The following EFCAB3 variants were observed in gnomAD, a reference collection of about 807,000 sequenced individuals.
EFCAB3 encodes EF-hand calcium-binding domain-containing protein 3.
In EFCAB3, 36 loss-of-function variants were observed where a neutral mutation model predicts 42.2. The observed-to-expected ratio is 0.85, with a 90% CI of 0.65 to 1.13. The LOEUF (loss-of-function observed/expected upper bound fraction) is 1.13. Ranked by LOEUF, EFCAB3 falls within the 50% of genes most tolerant of loss-of-function variation. The pLI, the probability that EFCAB3 is intolerant of heterozygous loss-of-function variation, is 0.00. For missense variants in EFCAB3, 418 were observed against 505.1 expected (o/e 0.83, Z 1.65); for synonymous variants, 170 against 172.8 (o/e 0.98, Z 0.13).
intron 2 of EFCAB3, among the ~76,000 whole-genome samples, chr17:62,374,116 C>T (rs968731779): frequency 6.6e-6 from 1 of 152,040 alleles, no homozygotes; most frequent in Non-Finnish European, 1.5e-5. Context: ...TATCCATGTC[C>T]AATGTATTTA....
chr17:62,375,571 CTTG>C (rs2070143994), upstream of EFCAB3, among the ~76,000 whole-genome samples: 1 of 152,164 alleles, frequency 6.6e-6, no homozygotes, highest in South Asian at 2.1e-4. Flanking sequence ...TCAATAAATA[CTTG>C]TTGATTACCT....
chr17:62,372,276 G>GT (rs1174040822), intron 1 of EFCAB3, among the ~76,000 whole-genome samples: 1 of 151,840 alleles, frequency 6.6e-6, no homozygotes, highest in Non-Finnish European at 1.5e-5. Flanking sequence ...AAGAGATTTT[G>GT]TTTTTTGTTT....
chr17:62,383,192 T>C, intron 2 of EFCAB3, 139 bp downstream of exon 2: 2 of 748,112 alleles, frequency 2.7e-6, no homozygotes. Flanking sequence ...ATTGAGATTA[T>C]TGGCCAGATG....
intron 1 of EFCAB3, chr17:62,370,338 T>C: frequency 6.4e-7 from 1 of 1,551,470 alleles, no homozygotes. Flanking sequence ...GTGTATGTTT[T>C]ATAATTATGT....
chr17:62,391,041 C>T (rs2070298586), intron 3 of EFCAB3, among the ~76,000 whole-genome samples: 2 of 152,158 alleles, frequency 1.3e-5, no homozygotes, highest in South Asian at 4.1e-4. Context: ...TTTTCTATTG[C>T]TGCTGTAACA....
intron 4 of EFCAB3, among the ~76,000 whole-genome samples, chr17:62,392,461 G>A (rs2070311743): frequency 6.6e-6 from 1 of 152,022 alleles, no homozygotes; most frequent in Admixed American, 6.6e-5. Context: ...CAGGTTACCT[G>A]TCCTGATGTA....
intron 8 of EFCAB3, among the ~76,000 whole-genome samples, chr17:62,407,955 C>T (rs2070462718): frequency 6.6e-6 from 1 of 152,146 alleles, no homozygotes; most frequent in Non-Finnish European, 1.5e-5. Context: ...TTAAGAGGCC[C>T]AGAGGGGTAT....
At chr17:62,381,788 C>T (rs540816306) in intron 1 of EFCAB3, 42 of 419,860 alleles carry the variant, frequency 1.0e-4, no homozygotes, top group African/African-American at 6.6e-4. Flanking sequence ...ACCGGCTCAA[C>T]GAGGTTATCA....
intron 6 of EFCAB3, chr17:62,397,320 G>T: frequency 3.1e-6 from 1 of 324,666 alleles, no homozygotes; most frequent in South Asian, 3.1e-5. Flanking sequence ...ATGAGTTTGA[G>T]ACCAGCCTGG....
At chr17:62,394,008 G>A (rs974899198) in intron 5 of EFCAB3, among the ~76,000 whole-genome samples, 1 of 151,018 alleles carries the variant, frequency 6.6e-6, no homozygotes, top group African/African-American at 2.4e-5. Context: ...AGGCTGGAGT[G>A]CAGTGGCACG....
intron 4 of EFCAB3, 148 bp from the exon 5 acceptor site, chr17:62,393,425 C>G (rs2070321451): frequency 1.6e-6 from 1 of 613,306 alleles, no homozygotes; most frequent in African/African-American, 1.9e-5. Flanking sequence ...TCAAGAAGAC[C>G]AGGGCTCACC....
At chr17:62,378,770 G>A (rs551658394), upstream of EFCAB3, among the ~76,000 whole-genome samples, 2 of 141,296 alleles carry the variant, frequency 1.4e-5, no homozygotes, top group Admixed American at 7.1e-5. Context: ...CTGTTGGGGG[G>A]TAGGGGGGTG....
At chr17:62,411,768 TAAAGAAAG>T (rs201372879) in intron 8 of EFCAB3, among the ~76,000 whole-genome samples, 2 of 119,104 alleles carry the variant, frequency 1.7e-5, no homozygotes, top group Non-Finnish European at 3.3e-5. Context: ...ACTCTGTCTC[TAAAGAAAG>T]AAAGAAAGAA....
intron 7 of EFCAB3, 139 bp downstream of exon 7, chr17:62,406,812 G>T (rs1413719998): frequency 1.0e-6 from 1 of 960,306 alleles, no homozygotes; most frequent in Admixed American, 2.9e-5. Context: ...TCACATAGAT[G>T]TCATTTGAAA....
At chr17:62,414,841 C>T (rs2070531344) in intron 9 of EFCAB3, among the ~76,000 whole-genome samples, 1 of 152,068 alleles carries the variant, frequency 6.6e-6, no homozygotes, top group African/African-American at 2.4e-5. Context: ...TGGTGGCTCA[C>T]ACCTGTAATC....
At chr17:62,377,261 T>C (rs1195323268), upstream of EFCAB3, among the ~76,000 whole-genome samples, 2 of 152,234 alleles carry the variant, frequency 1.3e-5, no homozygotes. Context: ...TTTTCCATGT[T>C]TCTGTGTTTC....
chr17:62,394,568 C>T (rs978831369), intron 5 of EFCAB3, among the ~76,000 whole-genome samples: 6 of 152,116 alleles, frequency 3.9e-5, no homozygotes, highest in Non-Finnish European at 5.9e-5. Flanking sequence ...GAAATATTGT[C>T]ATTAATCCCC....
intron 6 of EFCAB3, chr17:62,398,025 CAAAAA>C (rs34957895): frequency 8.7e-4 from 81 of 93,524 alleles, no homozygotes; most frequent in South Asian, 3.0e-3. Flanking sequence ...GACTCCATCT[CAAAAA>C]AAAAAAAAAA....
At chr17:62,391,479 C>T (rs902065231) in intron 3 of EFCAB3, among the ~76,000 whole-genome samples, 3 of 152,040 alleles carry the variant, frequency 2.0e-5, no homozygotes, top group East Asian at 1.9e-4. Flanking sequence ...TAAGGGATCA[C>T]GTAATTAGAT....
Sources: allele counts gnomAD v4.1 joint callset (sites outside exome capture counted in the v4.1 genomes callset), GRCh38; gene constraint gnomAD v4.1.1; transcripts MANE v1.5; gene names NCBI Gene and HGNC (gene_info 2026-07-23, HGNC 2026-07-21).